AGO2: variants seen among roughly 807,000 people sequenced by gnomAD.
The protein encoded by AGO2 is protein argonaute-2.
Under a neutral mutation model 102.3 loss-of-function variants are expected in AGO2, and 5 were observed. The ratio of observed to expected loss-of-function variants is 0.05; its 90% CI spans 0.03 to 0.10. AGO2 has a LOEUF of 0.10. Ranked by LOEUF, AGO2 falls within the 10% of genes least tolerant of loss-of-function variation. The pLI, the probability that AGO2 is intolerant of heterozygous loss-of-function variation, is 1.00. For synonymous variants in AGO2, 449 were observed against 473.1 expected, an observed-to-expected ratio of 0.95 and a Z score of 0.66; for missense variants, 541 against 1,183.7, an observed-to-expected ratio of 0.46 and a Z score of 7.97.
At chr8:140,617,789 G>A (rs2152105191) in intron 1 of AGO2, among the ~76,000 whole-genome samples, 2 of 152,262 alleles carry the variant, frequency 1.3e-5, no homozygotes, top group Non-Finnish European at 2.9e-5. Flanking sequence ...AGCTGAGGTG[G>A]CAGGACTGCT....
At chr8:140,581,928 C>T (rs1033971297) in intron 2 of AGO2, among the ~76,000 whole-genome samples, 1 of 152,148 alleles carries the variant, frequency 6.6e-6, no homozygotes, top group Non-Finnish European at 1.5e-5. Flanking sequence ...ATTTTTACCA[C>T]CCCCAAAATC....
At chr8:140,548,113 C>G (rs1365994884) in intron 12 of AGO2, among the ~76,000 whole-genome samples, 1 of 152,108 alleles carries the variant, frequency 6.6e-6, no homozygotes, top group Non-Finnish European at 1.5e-5. Context: ...GTCAGGAGTT[C>G]AAGACCAGCC....
intron 3 of AGO2, among the ~76,000 whole-genome samples, chr8:140,566,457 C>CAT (rs947002199): frequency 6.6e-6 from 1 of 152,220 alleles, no homozygotes; most frequent in Admixed American, 6.5e-5. Context: ...GCCAACTGTA[C>CAT]ATATATTTCT....
intron 16 of AGO2, among the ~76,000 whole-genome samples, chr8:140,536,851 C>T (rs1221111586): frequency 6.6e-6 from 1 of 152,198 alleles, no homozygotes; most frequent in Non-Finnish European, 1.5e-5. Context: ...GTGCCTCAGC[C>T]TTCCCTTGAC....
chr8:140,538,144 A>G (rs2072730382), intron 16 of AGO2, among the ~76,000 whole-genome samples: 1 of 152,154 alleles, frequency 6.6e-6, no homozygotes, highest in African/African-American at 2.4e-5. Context: ...TTTTACTGTG[A>G]TAAAATATCC....
At chr8:140,565,272 T>G (rs2073262306) in intron 3 of AGO2, among the ~76,000 whole-genome samples, 1 of 151,238 alleles carries the variant, frequency 6.6e-6, no homozygotes, top group African/African-American at 2.4e-5. Context: ...ATCCTGTCTC[T>G]ACTAAAAATA....
rs1193888984 is a variant in AGO2 at position 140,555,876 on chromosome 8, C to T, written c.1269+20G>A. 5 of 1,608,140 alleles carry T rather than the reference C, an allele frequency of 3.1e-6. No homozygotes were observed. In the East Asian group the frequency reaches 6.7e-5, roughly 22 times the overall value. ...GAGACATGCCCCGCAGCCACACGTTCCCCGCCGCCCCACACGTACCCTGCC... is the reference window on the plus strand; with the variant it reads ...GAGACATGCCCCGCAGCCACACGTTTCCCGCCGCCCCACACGTACCCTGCC... On this transcript the variant is annotated intron_variant, in intron 10 of 18. Transcript: ENST00000220592.
rs905555815 is a variant in AGO2 at position 140,527,442 on chromosome 8, AAAG to A, written c.*4599_*4601del. ...GCAGATGCGAAGTGGGACATCGTAA[AAAG>A]AAGTTGTCAAAAAATCAGTGCAATT... On this transcript the variant is annotated 3_prime_UTR_variant, in exon 19 of 19. Transcript: ENST00000220592. The surrounding 1 kb of genome is among the most constrained non-coding windows in gnomAD (Gnocchi z 6.0). The A allele has an allele frequency of 2.0e-5, 3 of 153,056 alleles. No individual in the cohort carries two copies. Among genetic ancestry groups the A allele is most frequent in the African/African-American group, 4.8e-5 (2 of 41,456 alleles). The allele number at this position is 153,056 out of a possible 1,614,324, so 9.5% of individuals were successfully genotyped here.
At chr8:140,584,362 G>A (rs927263252) in intron 2 of AGO2, among the ~76,000 whole-genome samples, 5 of 152,078 alleles carry the variant, frequency 3.3e-5, no homozygotes, top group African/African-American at 4.8e-5. Flanking sequence ...GGGTGGCCTT[G>A]GAAACACTCA....
At chr8:140,604,517 C>T (rs1384344423) in intron 1 of AGO2, among the ~76,000 whole-genome samples, 1 of 151,932 alleles carries the variant, frequency 6.6e-6, no homozygotes, top group African/African-American at 2.4e-5. Flanking sequence ...ATGGTGAAAC[C>T]TCATCTCTAC....
At chr8:140,626,797 C>T (rs2074284255) in intron 1 of AGO2, 2 of 152,304 alleles carry the variant, frequency 1.3e-5, no homozygotes, top group Non-Finnish European at 2.9e-5. Context: ...TCTTCCTTTG[C>T]TTTCTCTGCA....
the AGO2 span, among the ~76,000 whole-genome samples, chr8:140,642,289 C>T: frequency 2.0e-5 from 3 of 152,232 alleles, no homozygotes; most frequent in Admixed American, 1.3e-4. Flanking sequence ...GTAGATGCCC[C>T]GCTTCTCTGA....
intron 1 of AGO2, among the ~76,000 whole-genome samples, chr8:140,600,629 G>C (rs554246077): frequency 6.6e-6 from 1 of 151,654 alleles, no homozygotes; most frequent in Admixed American, 6.6e-5. Context: ...GCAGTGAGCC[G>C]AGATTGCACC....
At chr8:140,536,075 C>T (rs2072691135) in intron 16 of AGO2, among the ~76,000 whole-genome samples, 1 of 152,182 alleles carries the variant, frequency 6.6e-6, no homozygotes, top group African/African-American at 2.4e-5. Context: ...CCTGAGAGAG[C>T]AGGGCGGCTC....
intron 2 of AGO2, among the ~76,000 whole-genome samples, chr8:140,578,319 A>C (rs2073498531): frequency 6.6e-6 from 1 of 152,248 alleles, no homozygotes; most frequent in Non-Finnish European, 1.5e-5. Flanking sequence ...CATAAAATTG[A>C]CCATTTCAAC....
chr8:140,543,611 A>G (rs1467416486), intron 14 of AGO2, among the ~76,000 whole-genome samples: 1 of 151,714 alleles, frequency 6.6e-6, no homozygotes, highest in Non-Finnish European at 1.5e-5. Flanking sequence ...GCACGCCACC[A>G]CCCCCAGCTA....
At chr8:140,566,592 CCTTTA>C (rs1288070654) in intron 3 of AGO2, among the ~76,000 whole-genome samples, 8 of 151,390 alleles carry the variant, frequency 5.3e-5, no homozygotes, top group South Asian at 2.1e-4. Flanking sequence ...CTGGTTCCCC[CCTTTA>C]CTTTCTTTTT....
In AGO2 at chr8:140,570,482, G is replaced by A. The variant is rs192973665; in HGVS notation, c.336+2330C>T. On this transcript the variant is annotated intron_variant, in intron 3 of 18. Transcript: ENST00000220592. ...TGGCCTCAAGTGATCCGCCTGCCTC[G>A]GCCTCCCAAATTGCTGGGATTACAG... Among the ~76,000 whole-genome samples the A allele has an allele frequency of 8.0e-4, 121 of 152,066 alleles. No individual in the cohort carries two copies. In the East Asian group the frequency reaches 0.022, roughly 27 times the overall value.
intron 1 of AGO2, among the ~76,000 whole-genome samples, chr8:140,588,584 AAGGGAGGCAGGGAGAGAGGG>A (rs1564102800): frequency 3.1e-5 from 1 of 32,548 alleles, no homozygotes; most frequent in African/African-American, 1.1e-4. Flanking sequence ...GGGAGTAAAG[AAGGGAGGCAGGGAGAGAGGG>A]AGGGAGGGAG....
Sources: allele counts gnomAD v4.1 joint callset (sites outside exome capture counted in the v4.1 genomes callset), GRCh38; gene constraint gnomAD v4.1.1; non-coding constraint Gnocchi (gnomAD v3.1); transcripts MANE v1.5; gene names NCBI Gene and HGNC (gene_info 2026-07-23, HGNC 2026-07-21).